The following MAP7D2 variants were observed in gnomAD, a reference collection of about 807,000 sequenced individuals.
MAP7D2 encodes the protein MAP7 domain-containing protein 2.
MAP7D2 carries 33 observed loss-of-function variants against 63.5 expected under a neutral mutation model. That is an observed-to-expected ratio of 0.52 (90% CI 0.39 to 0.70). The LOEUF is 0.70. MAP7D2 is among the 30% of genes least tolerant of loss of function. MAP7D2 has a pLI of 0.00. For synonymous variants in MAP7D2, 224 were observed against 223.7 expected (o/e 1.00, Z -0.01); for missense variants, 626 against 604.0 (o/e 1.04, Z -0.38).
intron 1 of MAP7D2, among the ~76,000 whole-genome samples, chrX:20,078,667 T>C (rs2065704480): frequency 8.9e-6 from 1 of 112,560 alleles, no homozygotes; most frequent in South Asian, 3.7e-4. Flanking sequence ...TAAGGAACAA[T>C]ATATGCAAAG....
At position 20,064,760 on chromosome X, in the gene MAP7D2, T is replaced by C; in HGVS notation, c.176A>G (p.Lys59Arg). Residue 59 changes from lysine (K) to arginine (R), a missense_variant, in exon 2 of 17, where the codon AAA (lysine) becomes AGA (arginine). Coordinates refer to ENST00000379643, the MANE Select transcript of MAP7D2 (RefSeq NM_001168465.2). The part of the protein sequence containing the change: ...LKSDERQRLA[K>R]ERREEREKCL... The stretch of plus-strand genomic sequence containing the variant: ...TTTTTCTCTTTCTTCTCGTCTTTCT[T>C]TGGCCAATCTCTGCCTCTCATCTGA... 1 of 1,211,378 alleles carries C rather than the reference T, an allele frequency of 8.3e-7. No homozygotes were observed. Among genetic ancestry groups the C allele is most frequent in the Non-Finnish European group, 1.1e-6 (1 of 895,035 alleles).
At chrX:20,058,033 C>CTA (rs2065108798) in intron 3 of MAP7D2, among the ~76,000 whole-genome samples, 1 of 112,683 alleles carries the variant, frequency 8.9e-6, no homozygotes, top group Admixed American at 9.4e-5. Flanking sequence ...ACTGCCTCTC[C>CTA]AGGGACCTGT....
intron 3 of MAP7D2, among the ~76,000 whole-genome samples, chrX:20,061,118 C>CAAAAAAAAA: frequency 2.9e-5 from 1 of 34,878 alleles, no homozygotes; most frequent in Non-Finnish European, 5.2e-5. Context: ...AGAACATGAC[C>CAAAAAAAAA]AAAAAAAAAA....
chrX:20,059,695 GGATA>G (rs1399395301), intron 3 of MAP7D2, among the ~76,000 whole-genome samples: 2 of 101,898 alleles, frequency 2.0e-5, no homozygotes, highest in African/African-American at 7.3e-5. Context: ...AAGGAAGAAA[GGATA>G]GATAGGAAGG....
At chrX:20,080,354 T>C (rs939030324) in intron 1 of MAP7D2, among the ~76,000 whole-genome samples, 1 of 110,244 alleles carries the variant, frequency 9.1e-6, no homozygotes, top group African/African-American at 3.3e-5. Context: ...GCATGCCTGT[T>C]CTTCAACAAC....
At chrX:20,070,194 A>C (rs1323792236) in intron 1 of MAP7D2, among the ~76,000 whole-genome samples, 1 of 110,799 alleles carries the variant, frequency 9.0e-6, no homozygotes, top group African/African-American at 3.3e-5. Flanking sequence ...TAATCTGCCC[A>C]CCTCGGCCTC....
In MAP7D2 at chrX:20,050,902, G is replaced by A. The variant is rs746205641; in HGVS notation, c.640C>T (p.Arg214Ter). ...LSPMEAILVS[R>*]LLTPTQSSLA... ...GAAGACTGTGTGGGTGTCAACAGTC[G>A]CGAAACAAGAATGGCTTCCATTGGA... The change falls in exon 6 of 17, where the codon CGA becomes TGA. Residue 214 changes from arginine (R) to a stop codon, truncating the protein, a stop_gained. Transcript: ENST00000379643. LOFTEE classifies it high-confidence loss of function. The A allele has an allele frequency of 6.8e-6, 8 of 1,173,445 alleles. No individual in the cohort carries two copies. The highest frequency in any genetic ancestry group is 1.9e-5 in the South Asian group (1 of 52,742).
At chrX:20,050,247 C>T (rs2064911372) in intron 6 of MAP7D2, among the ~76,000 whole-genome samples, 1 of 111,167 alleles carries the variant, frequency 9.0e-6, no homozygotes, top group Non-Finnish European at 1.9e-5. Context: ...CTAGGTGGGG[C>T]CTTCCAACCA....
chrX:20,035,492 A>AT (rs761208592), intron 8 of MAP7D2, among the ~76,000 whole-genome samples: 4 of 111,568 alleles, frequency 3.6e-5, no homozygotes, highest in South Asian at 3.7e-4. Context: ...TGGAAATTAA[A>AT]TTTTTTTTCT....
At chrX:20,114,188 A>G (rs1367782270) in intron 1 of MAP7D2, among the ~76,000 whole-genome samples, 1 of 112,119 alleles carries the variant, frequency 8.9e-6, no homozygotes, top group African/African-American at 3.2e-5. Flanking sequence ...ATGCGCCACC[A>G]GGCCCGGCTA....
chrX:20,042,066 T>C (rs1285477938), intron 8 of MAP7D2, among the ~76,000 whole-genome samples: 1 of 110,900 alleles, frequency 9.0e-6, no homozygotes, highest in Non-Finnish European at 1.9e-5. Flanking sequence ...CACATATATA[T>C]TTGCTTCATT....
chrX:20,064,587 T>C, intron 2 of MAP7D2, 141 bp downstream of exon 2: 4 of 485,709 alleles, frequency 8.2e-6, no homozygotes, highest in Non-Finnish European at 1.1e-5. Context: ...CCAGTTGCAG[T>C]GTAGGTTCAC....
chrX:20,041,440 T>C (rs950966863), intron 8 of MAP7D2, among the ~76,000 whole-genome samples: 1 of 112,134 alleles, frequency 8.9e-6, no homozygotes, highest in Non-Finnish European at 1.9e-5. Context: ...CAGGTATTAG[T>C]AGTGTATCAA....
chrX:20,035,926 A>ATGTG (rs59706024), intron 8 of MAP7D2, among the ~76,000 whole-genome samples: 184 of 98,427 alleles, frequency 1.9e-3, no homozygotes, highest in African/African-American at 5.7e-3. Context: ...AAAAATATAT[A>ATGTG]TGTGTGTGTG....
intron 1 of MAP7D2, among the ~76,000 whole-genome samples, chrX:20,077,494 C>T (rs142615888): frequency 4.5e-5 from 5 of 111,742 alleles, no homozygotes; most frequent in East Asian, 2.8e-4. Flanking sequence ...AGGAAAGTTC[C>T]GCAGGACCTG....
chrX:20,065,754 C>T (rs912649432), intron 1 of MAP7D2, among the ~76,000 whole-genome samples: 1 of 111,878 alleles, frequency 8.9e-6, no homozygotes, highest in South Asian at 3.7e-4. Flanking sequence ...AGAAATATCC[C>T]TGGAGCTTTT....
At chrX:20,055,065 C>T (rs375072744) in intron 4 of MAP7D2, among the ~76,000 whole-genome samples, 40 of 99,399 alleles carry the variant, frequency 4.0e-4, no homozygotes, top group Middle Eastern at 5.0e-3. Flanking sequence ...AATATTGCAT[C>T]CCTTTTACAG....
At chrX:20,116,513 C>T in intron 1 of MAP7D2, 2 of 875,402 alleles carry the variant, frequency 2.3e-6, no homozygotes, top group Non-Finnish European at 1.4e-6. Flanking sequence ...AAGCCACCCC[C>T]CATGTGTACC....
chrX:20,044,590 T>C (rs2064747872), intron 6 of MAP7D2, 66 bp from the exon 7 acceptor site: 1 of 1,003,956 alleles, frequency 1.0e-6, no homozygotes, highest in Non-Finnish European at 1.4e-6. Flanking sequence ...GAGCAGAGAG[T>C]TGGGAAGAAC....
Sources: gnomAD v4.1 joint callset for allele counts (sites outside exome capture counted in the v4.1 genomes callset) on GRCh38, gnomAD v4.1.1 for gene constraint, MANE v1.5 for transcripts, NCBI Gene and HGNC (gene_info 2026-07-23, HGNC 2026-07-21) for gene names.